Variants in SOX6 observed in about 807,000 individuals in gnomAD.
The protein encoded by SOX6 is SRY-box transcription factor 6, also known as transcription factor SOX-6.
Under a neutral mutation model 97.8 loss-of-function variants are expected in SOX6, and 11 were observed. That is an observed-to-expected ratio of 0.11 (90% CI 0.07 to 0.19). The LOEUF (loss-of-function observed/expected upper bound fraction) is 0.19. Among genes scored for constraint, SOX6 ranks in the 10% least tolerant of loss-of-function variants. The pLI, the probability that SOX6 is intolerant of heterozygous loss-of-function variation, is 1.00. For missense variants in SOX6, 810 were observed against 1,039.5 expected (o/e 0.78, Z 3.04); for synonymous variants, 360 against 371.4 (o/e 0.97, Z 0.35).
chr11:16,570,936 C>A (rs1389255552), intron 4 of SOX6, among the ~76,000 whole-genome samples: 1 of 152,068 alleles, frequency 6.6e-6, no homozygotes, highest in African/African-American at 2.4e-5. Flanking sequence ...AGGATTATTG[C>A]TTTTAAATTT....
chr11:16,530,812 A>G (rs1272538339), intron 4 of SOX6, among the ~76,000 whole-genome samples: 1 of 151,824 alleles, frequency 6.6e-6, no homozygotes, highest in East Asian at 1.9e-4. Flanking sequence ...GAAAGGAAGC[A>G]GAGATGACCA....
intron 4 of SOX6, among the ~76,000 whole-genome samples, chr11:16,580,191 C>A (rs182212534): frequency 2.2e-4 from 34 of 152,102 alleles, no homozygotes; most frequent in African/African-American, 7.7e-4. Flanking sequence ...AATTAAGATC[C>A]CCAGGTGATT....
chr11:16,019,503 A>G (rs1044324110), intron 12 of SOX6, among the ~76,000 whole-genome samples: 1 of 152,134 alleles, frequency 6.6e-6, no homozygotes, highest in African/African-American at 2.4e-5. Context: ...TGTAAAATGC[A>G]TTATAATTAT....
intron 6 of SOX6, among the ~76,000 whole-genome samples, chr11:16,172,433 T>C (rs1046648977): frequency 6.6e-6 from 1 of 152,042 alleles, no homozygotes; most frequent in South Asian, 2.1e-4. Context: ...TCTTCTTAAA[T>C]GTATTTTTCT....
At chr11:16,384,311 G>A (rs1401590400) in intron 1 of SOX6, among the ~76,000 whole-genome samples, 1 of 151,796 alleles carries the variant, frequency 6.6e-6, no homozygotes, top group East Asian at 1.9e-4. Context: ...ACATAAATGT[G>A]CAATAATAGA....
chr11:16,479,007 C>T (rs151060912), upstream of SOX6, among the ~76,000 whole-genome samples: 2,044 of 152,040 alleles, frequency 0.013, 12 homozygotes, highest in Non-Finnish European at 0.02. Context: ...CGAAGAGTGA[C>T]CATGGGTTAA....
intron 4 of SOX6, among the ~76,000 whole-genome samples, chr11:16,512,798 C>G (rs537962299): frequency 6.6e-6 from 1 of 152,024 alleles, no homozygotes; most frequent in East Asian, 1.9e-4. Context: ...GTAAAAAACT[C>G]AAGTAAATAA....
At chr11:16,115,863 G>T (rs1327593304) in intron 6 of SOX6, among the ~76,000 whole-genome samples, 1 of 152,106 alleles carries the variant, frequency 6.6e-6, no homozygotes, top group African/African-American at 2.4e-5. Context: ...TACTATGAAT[G>T]CTGTTCAATT....
intron 4 of SOX6, among the ~76,000 whole-genome samples, chr11:16,520,337 T>A (rs572672147): frequency 6.6e-6 from 1 of 152,216 alleles, no homozygotes; most frequent in African/African-American, 2.4e-5. Flanking sequence ...TCAGGTCTTA[T>A]AGTTAAGTCT....
chr11:16,019,508 A>G (rs1418587284), intron 12 of SOX6, among the ~76,000 whole-genome samples: 2 of 152,120 alleles, frequency 1.3e-5, no homozygotes, highest in African/African-American at 4.8e-5. Context: ...AATGCATTAT[A>G]ATTATGATAC....
intron 3 of SOX6, among the ~76,000 whole-genome samples, chr11:16,714,451 CTT>C (rs761435639): frequency 4.8e-4 from 56 of 116,370 alleles, no homozygotes; most frequent in African/African-American, 1.2e-3. Context: ...AATTTTCTTT[CTT>C]TTTTTTTTTT....
At chr11:16,058,878 G>A (rs371102285) in intron 9 of SOX6, among the ~76,000 whole-genome samples, 4 of 152,172 alleles carry the variant, frequency 2.6e-5, no homozygotes, top group South Asian at 4.1e-4. Context: ...GGAGGAGGCA[G>A]GGATGGTAGT....
At chr11:16,658,865 A>T (rs976694923) in intron 3 of SOX6, among the ~76,000 whole-genome samples, 5 of 152,250 alleles carry the variant, frequency 3.3e-5, no homozygotes, top group African/African-American at 1.2e-4. Flanking sequence ...AAGAGTATAT[A>T]AGTAGTTATC....
intron 4 of SOX6, among the ~76,000 whole-genome samples, chr11:16,590,844 T>G (rs1272646890): frequency 6.6e-6 from 1 of 152,134 alleles, no homozygotes; most frequent in Non-Finnish European, 1.5e-5. Flanking sequence ...ATATGCTTAA[T>G]GGTACAAAAA....
chr11:16,574,771 TA>T lies in SOX6; in HGVS notation n.609+37309del, dbSNP rs925824128. On this transcript the variant is annotated intron_variant and non_coding_transcript_variant, in intron 4 of 5. Transcript: ENST00000524520. The stretch of plus-strand genomic sequence containing the variant: ...GTAGAAAACTACAAATCATTTTTTT[TA>T]AAAAAAGATCCTGTAATCCCAGCAC... 2.0e-5 allele frequency among the ~76,000 whole-genome samples: 3 copies of T among 151,708 alleles called. No homozygotes were observed. The East Asian group carries it at 5.8e-4, about 29-fold the overall frequency.
chr11:16,489,810 C>T (rs977044700), intron 4 of SOX6, among the ~76,000 whole-genome samples: 16 of 152,062 alleles, frequency 1.1e-4, no homozygotes, highest in Admixed American at 4.6e-4. Context: ...ACCAAAACAA[C>T]AGGAACCAGA....
At chr11:16,250,310 CA>C (rs1345995615) in intron 3 of SOX6, among the ~76,000 whole-genome samples, 18 of 151,990 alleles carry the variant, frequency 1.2e-4, no homozygotes, top group African/African-American at 4.1e-4. Context: ...AATAGAATAT[CA>C]AGGCTAAAAG....
chr11:16,731,704 A>T (rs536860566), intron 2 of SOX6, among the ~76,000 whole-genome samples: 2 of 152,336 alleles, frequency 1.3e-5, no homozygotes, highest in East Asian at 3.9e-4. Flanking sequence ...ACCCTCTCTC[A>T]CCACTCCTAT....
chr11:16,536,119 A>G (rs1418572826), intron 4 of SOX6, among the ~76,000 whole-genome samples: 1 of 152,218 alleles, frequency 6.6e-6, no homozygotes, highest in Non-Finnish European at 1.5e-5. Flanking sequence ...AGGTCACAAT[A>G]GTTTTGTTCA....
Sources: gnomAD v4.1 joint callset for allele counts (sites outside exome capture counted in the v4.1 genomes callset) on GRCh38, gnomAD v4.1.1 for gene constraint, MANE v1.5 for transcripts, NCBI Gene and HGNC (gene_info 2026-07-23, HGNC 2026-07-21) for gene names.